SOX6: variants seen among roughly 807,000 people sequenced by gnomAD.
The protein encoded by SOX6 is SRY-box transcription factor 6, also known as transcription factor SOX-6.
SOX6 carries 11 observed loss-of-function variants against 97.8 expected under a neutral mutation model. The observed-to-expected ratio is 0.11, with a 90% CI of 0.07 to 0.19. The LOEUF is 0.19. Ranked by LOEUF, SOX6 falls within the 10% of genes least tolerant of loss-of-function variation. The pLI, the probability that SOX6 is intolerant of heterozygous loss-of-function variation, is 1.00. For missense variants in SOX6, 810 were observed against 1,039.5 expected (o/e 0.78, Z 3.04); for synonymous variants, 360 against 371.4 (o/e 0.97, Z 0.35).
intron 1 of SOX6, among the ~76,000 whole-genome samples, chr11:16,417,106 A>G (rs185136742): frequency 3.9e-5 from 6 of 152,280 alleles, no homozygotes; most frequent in Non-Finnish European, 7.4e-5. Context: ...GAACTAAGCA[A>G]TAATACACAG....
chr11:16,414,509 G>A (rs1051495052), intron 1 of SOX6, among the ~76,000 whole-genome samples: 2 of 152,006 alleles, frequency 1.3e-5, no homozygotes, highest in African/African-American at 4.8e-5. Context: ...ACTGAATAAT[G>A]GGCATTATAT....
intron 4 of SOX6, among the ~76,000 whole-genome samples, chr11:16,500,843 A>T (rs1300637379): frequency 6.6e-6 from 1 of 152,210 alleles, no homozygotes. Context: ...TTCCATGCTC[A>T]TGGGTAGGAA....
chr11:16,457,934 C>T (rs1373275289), intron 1 of SOX6, among the ~76,000 whole-genome samples: 3 of 151,978 alleles, frequency 2.0e-5, no homozygotes, highest in Non-Finnish European at 4.4e-5. Flanking sequence ...TGACACATCA[C>T]AATATATCTC....
At chr11:16,298,976 T>C (rs1045988284) in intron 3 of SOX6, among the ~76,000 whole-genome samples, 6 of 152,096 alleles carry the variant, frequency 3.9e-5, no homozygotes, top group Non-Finnish European at 8.8e-5. Context: ...GATGGTAAAA[T>C]TACAAAGAAA....
chr11:16,651,150 T>C (rs910901931), intron 3 of SOX6, among the ~76,000 whole-genome samples: 4 of 151,760 alleles, frequency 2.6e-5, no homozygotes, highest in Non-Finnish European at 5.9e-5. Context: ...AAAAAGAAAG[T>C]CCAGGACCAA....
chr11:16,080,603 AT>A (rs1848452592), intron 9 of SOX6, among the ~76,000 whole-genome samples: 1 of 152,222 alleles, frequency 6.6e-6, no homozygotes, highest in East Asian at 1.9e-4. Context: ...AAAAATACTT[AT>A]TGGCATTTTT....
chr11:16,522,368 T>C (rs565441002), intron 4 of SOX6, among the ~76,000 whole-genome samples: 2 of 152,168 alleles, frequency 1.3e-5, no homozygotes, highest in South Asian at 4.2e-4. Context: ...GAATTTCATA[T>C]CCAGCCAAAC....
intron 6 of SOX6, among the ~76,000 whole-genome samples, chr11:16,129,360 A>T (rs1226126506): frequency 2.0e-5 from 3 of 151,664 alleles, no homozygotes; most frequent in Middle Eastern, 3.4e-3. Flanking sequence ...TTTTTTTCCC[A>T]CTTCCCATCA....
At chr11:16,243,378 G>A (rs1412600850) in intron 3 of SOX6, among the ~76,000 whole-genome samples, 6 of 151,816 alleles carry the variant, frequency 4.0e-5, no homozygotes, top group Non-Finnish European at 8.8e-5. Context: ...GAATGTTTCT[G>A]ATACCACTTT....
intron 2 of SOX6, among the ~76,000 whole-genome samples, chr11:16,324,212 A>C (rs2134312377): frequency 6.6e-6 from 1 of 152,198 alleles, no homozygotes. Context: ...CAAACAAAAA[A>C]AATCAAACAG....
chr11:16,521,709 G>T (rs1336426810), intron 4 of SOX6, among the ~76,000 whole-genome samples: 2 of 152,064 alleles, frequency 1.3e-5, no homozygotes, highest in African/African-American at 4.8e-5. Flanking sequence ...CAAACCAAAG[G>T]CAAAGAAGTT....
intron 4 of SOX6, among the ~76,000 whole-genome samples, chr11:16,547,937 T>A (rs1040862282): frequency 8.5e-5 from 13 of 152,074 alleles, no homozygotes; most frequent in South Asian, 6.2e-4. Flanking sequence ...TTTTTAAAAA[T>A]AATTATGAAA....
At chr11:16,217,521 T>C (rs1275257829) in intron 4 of SOX6, among the ~76,000 whole-genome samples, 3 of 152,200 alleles carry the variant, frequency 2.0e-5, no homozygotes, top group East Asian at 1.9e-4. Context: ...AGGATGATTA[T>C]GAGCCAATAT....
chr11:16,461,304 C>CTG (rs973492608), intron 1 of SOX6, among the ~76,000 whole-genome samples: 29 of 149,106 alleles, frequency 1.9e-4, no homozygotes, highest in African/African-American at 7.1e-4. Flanking sequence ...CAAGTTGCTT[C>CTG]TGTAGCTTCT....
chr11:16,262,501 A>G (rs912006363), intron 3 of SOX6, among the ~76,000 whole-genome samples: 5 of 152,084 alleles, frequency 3.3e-5, no homozygotes, highest in African/African-American at 1.2e-4. Context: ...AATGTCTCAG[A>G]GTGCAAGTTC....
chr11:16,196,088 T>C (rs1851767118), intron 4 of SOX6, among the ~76,000 whole-genome samples: 1 of 152,216 alleles, frequency 6.6e-6, no homozygotes, highest in Non-Finnish European at 1.5e-5. Context: ...TCTAGCCCAC[T>C]ATGCCCCTTC....
At chr11:16,506,313 T>C (rs572219823) in intron 4 of SOX6, among the ~76,000 whole-genome samples, 1 of 152,336 alleles carries the variant, frequency 6.6e-6, no homozygotes, top group Non-Finnish European at 1.5e-5. Flanking sequence ...TAAGGTTTAA[T>C]GACTGCTCTG....
chr11:16,522,900 C>A (rs187981952), intron 4 of SOX6, among the ~76,000 whole-genome samples: 1,731 of 152,148 alleles, frequency 0.011, 24 homozygotes, highest in South Asian at 0.033. Flanking sequence ...TTACATAATG[C>A]TAAAGAGATC....
intron 3 of SOX6, among the ~76,000 whole-genome samples, chr11:16,295,669 C>G (rs1391846336): frequency 6.6e-6 from 1 of 152,094 alleles, no homozygotes; most frequent in Non-Finnish European, 1.5e-5. Flanking sequence ...TAACTGGCAT[C>G]CCTGAAGATA....
Sources: gnomAD v4.1 joint callset for allele counts (sites outside exome capture counted in the v4.1 genomes callset) on GRCh38, gnomAD v4.1.1 for gene constraint, MANE v1.5 for transcripts, NCBI Gene and HGNC (gene_info 2026-07-23, HGNC 2026-07-21) for gene names.